Variants in ADAMTSL1 observed in about 807,000 individuals in gnomAD.
The protein encoded by ADAMTSL1 is ADAMTS-like protein 1.
Under a neutral mutation model 201.8 loss-of-function variants are expected in ADAMTSL1, and 126 were observed. The observed-to-expected ratio is 0.62, with a 90% CI of 0.54 to 0.72. The LOEUF (loss-of-function observed/expected upper bound fraction) is 0.72. Ranked by LOEUF, ADAMTSL1 falls within the 30% of genes least tolerant of loss-of-function variation. The pLI, the probability that ADAMTSL1 is intolerant of heterozygous loss-of-function variation, is 0.00. For synonymous variants in ADAMTSL1, 1,121 were observed against 903.4 expected (o/e 1.24, Z -4.32); for missense variants, 2,679 against 2,277.8 (o/e 1.18, Z -3.59).
At chr9:18,787,607 A>G (rs1490982860) in intron 19 of ADAMTSL1, among the ~76,000 whole-genome samples, 2 of 152,182 alleles carry the variant, frequency 1.3e-5, no homozygotes, top group Admixed American at 6.5e-5. Context: ...AAGTCAGCAA[A>G]CTTTTCTAGT....
chr9:18,643,964 G>C (rs1827613473), intron 7 of ADAMTSL1, among the ~76,000 whole-genome samples: 1 of 151,802 alleles, frequency 6.6e-6, no homozygotes, highest in Non-Finnish European at 1.5e-5. Flanking sequence ...TGTAGATAGT[G>C]TTGGGTAGTA....
intron 2 of ADAMTSL1, among the ~76,000 whole-genome samples, chr9:18,318,964 T>C (rs1834516994): frequency 6.6e-6 from 1 of 152,200 alleles, no homozygotes; most frequent in Admixed American, 6.5e-5. Context: ...ATCCTAACAC[T>C]TTGGGAGGCC....
At chr9:18,627,479 G>T (rs76820573) in intron 5 of ADAMTSL1, among the ~76,000 whole-genome samples, 3 of 152,318 alleles carry the variant, frequency 2.0e-5, no homozygotes, top group Non-Finnish European at 2.9e-5. Flanking sequence ...GGGGGCGTCA[G>T]AAAACTGAAA....
chr9:18,852,987 A>T (rs891862322), intron 23 of ADAMTSL1, among the ~76,000 whole-genome samples: 1 of 152,210 alleles, frequency 6.6e-6, no homozygotes, highest in South Asian at 2.1e-4. Context: ...CTTTCTAGCC[A>T]GGAGCAGTTT....
intron 1 of ADAMTSL1, among the ~76,000 whole-genome samples, chr9:18,118,243 T>A (rs947410889): frequency 6.6e-6 from 1 of 152,206 alleles, no homozygotes; most frequent in African/African-American, 2.4e-5. Flanking sequence ...ACTCAGTGAT[T>A]CTTGCTAATG....
At chr9:18,247,619 G>A (rs1277206468) in intron 2 of ADAMTSL1, among the ~76,000 whole-genome samples, 1 of 152,176 alleles carries the variant, frequency 6.6e-6, no homozygotes, top group Non-Finnish European at 1.5e-5. Context: ...TTGATTGAAT[G>A]CTGGTCTTAA....
intron 1 of ADAMTSL1, among the ~76,000 whole-genome samples, chr9:17,976,029 T>G (rs1279222457): frequency 6.6e-6 from 1 of 152,108 alleles, no homozygotes; most frequent in Non-Finnish European, 1.5e-5. Context: ...TACTTCACTG[T>G]ATATGTGTGA....
chr9:18,545,249 A>G (rs1166553360), intron 3 of ADAMTSL1, among the ~76,000 whole-genome samples: 1 of 152,166 alleles, frequency 6.6e-6, no homozygotes, highest in Non-Finnish European at 1.5e-5. Context: ...AATTATACAG[A>G]TAAGGAAATT....
chr9:18,152,177 G>C (rs1826944807), intron 1 of ADAMTSL1, among the ~76,000 whole-genome samples: 1 of 152,020 alleles, frequency 6.6e-6, no homozygotes, highest in Non-Finnish European at 1.5e-5. Flanking sequence ...GGTAAACCAG[G>C]ACTTCCACCC....
At chr9:18,746,774 CA>C (rs35648138) in intron 15 of ADAMTSL1, among the ~76,000 whole-genome samples, 35,472 of 120,664 alleles carry the variant, frequency 0.29, 4,313 homozygotes, top group South Asian at 0.4. Flanking sequence ...CAAAGGAAGG[CA>C]AAAAAAAAAA....
At chr9:18,020,049 G>T (rs975713279) in intron 1 of ADAMTSL1, among the ~76,000 whole-genome samples, 17 of 151,978 alleles carry the variant, frequency 1.1e-4, no homozygotes, top group Admixed American at 5.2e-4. Context: ...TATTTTTGGT[G>T]TCTCTGGAGA....
At chr9:18,037,996 A>G (rs1821273101) in intron 1 of ADAMTSL1, among the ~76,000 whole-genome samples, 1 of 152,108 alleles carries the variant, frequency 6.6e-6, no homozygotes, top group African/African-American at 2.4e-5. Context: ...GGGTGATGCA[A>G]TTTTTTATTT....
chr9:18,071,709 G>T (rs1370501934), intron 1 of ADAMTSL1, among the ~76,000 whole-genome samples: 1 of 152,196 alleles, frequency 6.6e-6, no homozygotes, highest in Non-Finnish European at 1.5e-5. Context: ...CTCTGTATCA[G>T]GACGTTTCCT....
At chr9:18,723,411 A>T in intron 15 of ADAMTSL1, 1 of 359,574 alleles carries the variant, frequency 2.8e-6, no homozygotes, top group African/African-American at 2.1e-5. Flanking sequence ...CTTGCTTAAA[A>T]CTGCTGGGAC....
chr9:18,042,402 A>ACTAT (rs1318406318), intron 1 of ADAMTSL1, among the ~76,000 whole-genome samples: 8 of 152,294 alleles, frequency 5.3e-5, no homozygotes, highest in Middle Eastern at 3.4e-3. Flanking sequence ...ACTTTCATGG[A>ACTAT]CTATCTCATT....
chr9:18,399,282 T>TATATATATATATATATATATATATAC (rs1817872982), intron 2 of ADAMTSL1, among the ~76,000 whole-genome samples: 8 of 19,232 alleles, frequency 4.2e-4, no homozygotes, highest in Admixed American at 5.3e-4. Context: ...CTGCTTTACA[T>TATATATATATATATATATATATATAC]ATATATATAT....
At chr9:18,708,749 G>A (rs1832378466) in intron 14 of ADAMTSL1, among the ~76,000 whole-genome samples, 1 of 152,118 alleles carries the variant, frequency 6.6e-6, no homozygotes, top group Admixed American at 6.5e-5. Flanking sequence ...ATTATTTATG[G>A]TCTCTCAGTT....
chr9:17,948,184 C>T (rs1392624583), intron 1 of ADAMTSL1, among the ~76,000 whole-genome samples: 1 of 152,102 alleles, frequency 6.6e-6, no homozygotes, highest in African/African-American at 2.4e-5. Flanking sequence ...CAAAGCATTA[C>T]CAAAAAATAA....
intron 1 of ADAMTSL1, among the ~76,000 whole-genome samples, chr9:18,039,705 A>C (rs1159419892): frequency 6.6e-6 from 1 of 152,178 alleles, no homozygotes; most frequent in East Asian, 1.9e-4. Flanking sequence ...ATACAGAGGC[A>C]AAAAACCAAG....
Sources: allele counts gnomAD v4.1 joint callset (sites outside exome capture counted in the v4.1 genomes callset), GRCh38; gene constraint gnomAD v4.1.1; transcripts MANE v1.5; gene names NCBI Gene and HGNC (gene_info 2026-07-23, HGNC 2026-07-21).